The following ASTE1 variants were observed in gnomAD, a reference collection of about 807,000 sequenced individuals.
The protein encoded by ASTE1 is asteroid structure-specific endonuclease 1.
A neutral mutation model predicts 45.8 loss-of-function variants in ASTE1; 49 were observed. The observed-to-expected ratio is 1.07, with a 90% CI of 0.85 to 1.36. The LOEUF is 1.36. ASTE1 is among the 40% of genes most tolerant of loss of function. The pLI, the probability that ASTE1 is intolerant of heterozygous loss-of-function variation, is 0.00. For synonymous variants in ASTE1, 296 were observed against 303.9 expected (o/e 0.97, Z 0.27); for missense variants, 709 against 804.0 (o/e 0.88, Z 1.43).
intron 5 of ASTE1, chr3:131,015,385 A>G (rs999717801): frequency 2.2e-5 from 13 of 588,238 alleles, no homozygotes; most frequent in African/African-American, 9.4e-5. Context: ...TGGATGGTCA[A>G]TTACCAAGAT....
At chr3:131,018,426 C>CT in intron 4 of ASTE1, 80 bp downstream of exon 4, 1 of 1,390,076 alleles carries the variant, frequency 7.2e-7, no homozygotes, top group Admixed American at 1.8e-5. Context: ...TCCAAGAATA[C>CT]TTTTTTGTTT....
intron 3 of ASTE1, among the ~76,000 whole-genome samples, chr3:131,021,749 T>C (rs377013003): frequency 1.8e-4 from 28 of 152,308 alleles, no homozygotes; most frequent in African/African-American, 6.7e-4. Flanking sequence ...ATTTTAATTG[T>C]AGGATGACTT....
intron 3 of ASTE1, among the ~76,000 whole-genome samples, chr3:131,023,663 CTTTT>C (rs930357583): frequency 3.3e-5 from 5 of 150,534 alleles, no homozygotes; most frequent in Admixed American, 2.6e-4. Context: ...AATTTTTTTC[CTTTT>C]TTTTTCAGCC....
intron 3 of ASTE1, among the ~76,000 whole-genome samples, chr3:131,021,940 T>C (rs549011923): frequency 3.9e-5 from 6 of 152,174 alleles, no homozygotes; most frequent in Non-Finnish European, 7.4e-5. Flanking sequence ...GTTTGAATTT[T>C]ATTGGTGTGG....
At chr3:131,017,010 G>A (rs1365476439) in intron 4 of ASTE1, 1 of 1,289,378 alleles carries the variant, frequency 7.8e-7, no homozygotes, top group East Asian at 5.5e-5. Flanking sequence ...CTAGCGAGGA[G>A]CAAGACACTG....
chr3:131,026,256 C>G (rs531319561), intron 1 of ASTE1: 1 of 152,366 alleles, frequency 6.6e-6, no homozygotes, highest in Admixed American at 6.5e-5. Context: ...CCAGCCCTGT[C>G]AGTATCTCAG....
intron 4 of ASTE1, chr3:131,017,082 C>T (rs777274009): frequency 7.8e-7 from 1 of 1,282,516 alleles, no homozygotes; most frequent in South Asian, 1.2e-5. Context: ...TTGACATGCC[C>T]CTTCTCTTGG....
chr3:131,015,161 T>C (rs1219042614), intron 5 of ASTE1: 1 of 699,724 alleles, frequency 1.4e-6, no homozygotes, highest in East Asian at 2.7e-5. Flanking sequence ...CAACACTGTT[T>C]ACTGCCAGGA....
chr3:131,023,582 T>C lies in ASTE1; in HGVS notation c.1302+423A>G, dbSNP rs572767129. Among the ~76,000 whole-genome samples, 4 of 152,352 alleles carry C rather than the reference T, an allele frequency of 2.6e-5. No individual in the cohort carries two copies. The South Asian group carries it at 8.3e-4, about 32-fold the overall frequency. On this transcript the variant is annotated intron_variant, in intron 3 of 5. Coordinates refer to ENST00000264992, the MANE Select transcript of ASTE1 (RefSeq NM_014065.4). Reference sequence around the variant, plus strand: ...TAGACCTTAGCATCAGTACTAACCTTATCTGAAATCCGATGTAGTCTGAGA... The same window carrying C: ...TAGACCTTAGCATCAGTACTAACCTCATCTGAAATCCGATGTAGTCTGAGA...
At chr3:131,025,405 TAAATC>T in intron 2 of ASTE1, 64 bp downstream of exon 2, 3 of 1,505,104 alleles carry the variant, frequency 2.0e-6, no homozygotes, top group Non-Finnish European at 1.8e-6. Flanking sequence ...CCAGCACCAT[TAAATC>T]AATAGCAAAT....
At position 131,024,195 on chromosome 3, in the gene ASTE1, G is replaced by C. The variant is rs764613890; in HGVS notation, c.1112C>G (p.Pro371Arg). ...QQPNAHRISQ[P>R]IRQIIYGLLL... ...AAGCCCATAGATGATTTGCCTGATG[G>C]GCTGAGATATTCTGTGGGCATTTGG... The change falls in exon 3 of 6, where the codon CCC becomes CGC. Residue 371 changes from proline (P) to arginine (R), a missense_variant. Coordinates refer to ENST00000264992, the MANE Select transcript of ASTE1 (RefSeq NM_014065.4). The C allele has an allele frequency of 6.2e-7, 1 of 1,614,048 alleles. No homozygotes were observed. The highest frequency in any genetic ancestry group is 1.3e-5 in the African/African-American group (1 of 74,946).
At chr3:131,025,796 G>T (rs934177012) in intron 1 of ASTE1, among the ~76,000 whole-genome samples, 2 of 152,128 alleles carry the variant, frequency 1.3e-5, no homozygotes, top group Admixed American at 6.5e-5. Flanking sequence ...AAAGTAAGGT[G>T]TGTAGGACCT....
intron 5 of ASTE1, chr3:131,015,093 C>G (rs549058072): frequency 1.3e-3 from 704 of 559,828 alleles, no homozygotes; most frequent in Non-Finnish European, 1.7e-3. Flanking sequence ...ATCCAGGGGT[C>G]AAAGGCCAAT....
chr3:131,023,877 T>C, intron 3 of ASTE1, 128 bp downstream of exon 3: 4 of 967,428 alleles, frequency 4.1e-6, no homozygotes, highest in Non-Finnish European at 5.8e-6. Context: ...ATTTCTTAGC[T>C]ACGACATGAG....
chr3:131,018,642 A>G lies in ASTE1; in HGVS notation c.1377T>C (p.Pro459=). The change falls in exon 4 of 6, where the codon CCT becomes CCC. Residue 459 remains proline, a synonymous_variant. Coordinates refer to ENST00000264992, the MANE Select transcript of ASTE1 (RefSeq NM_014065.4). The part of the protein sequence containing the change: ...KVKQTILEPI[P]TSLKLPIAVS... ...CAGCAATGGGCAACTTCAGTGAAGTAGGGATTGGCTCCAGAATGGTCTGTT... is the reference window on the plus strand; with the variant it reads ...CAGCAATGGGCAACTTCAGTGAAGTGGGGATTGGCTCCAGAATGGTCTGTT... 6.2e-7 allele frequency: 1 copy of G among 1,614,152 alleles called. No individual in the cohort carries two copies. The highest frequency in any genetic ancestry group is 1.7e-5 in the Admixed American group (1 of 60,022).
At chr3:131,025,364 A>T in intron 2 of ASTE1, 33 bp from the exon 3 acceptor site, 1 of 1,552,396 alleles carries the variant, frequency 6.4e-7, no homozygotes, top group Non-Finnish European at 8.7e-7. Flanking sequence ...TTTTCAATTG[A>T]TGCTAGTTAT....
chr3:131,014,415 G>A, intron 5 of ASTE1, 28 bp from the exon 6 acceptor site: 1 of 1,534,950 alleles, frequency 6.5e-7, no homozygotes, highest in Non-Finnish European at 8.7e-7. Flanking sequence ...AAAGTATGTT[G>A]TTAAAGAAGT....
In ASTE1 at chr3:131,024,971, C is replaced by G; in HGVS notation, c.336G>C (p.Gly112=). Residue 112 remains glycine (G), a synonymous_variant, in exon 3 of 6, where the codon GGG becomes GGC. Coordinates refer to ENST00000264992, the MANE Select transcript of ASTE1 (RefSeq NM_014065.4). ...MAHSLSVGGS[G]YVCPLLIREV... is the part of the protein sequence containing the mutation. ...CCCGGATGAGTAAGGGACATACGTA[C>G]CCACTCCCACCAACAGAAAGGGAAT... The G allele has an allele frequency of 6.2e-7, 1 of 1,604,738 alleles. No homozygotes were observed. The highest frequency in any genetic ancestry group is 1.1e-5 in the South Asian group (1 of 89,620).
At chr3:131,014,529 T>C in intron 5 of ASTE1, 142 bp from the exon 6 acceptor site, 5 of 841,432 alleles carry the variant, frequency 5.9e-6, no homozygotes, top group South Asian at 2.1e-5. Context: ...TACTTAAGAA[T>C]AATCTGTTCT....
Sources: allele counts gnomAD v4.1 joint callset (sites outside exome capture counted in the v4.1 genomes callset), GRCh38; gene constraint gnomAD v4.1.1; transcripts MANE v1.5; gene names NCBI Gene and HGNC (gene_info 2026-07-23, HGNC 2026-07-21).